Variants in ADGRL3 observed in about 807,000 individuals in gnomAD.
ADGRL3 encodes the protein adhesion G protein-coupled receptor L3.
A neutral mutation model predicts 153.5 loss-of-function variants in ADGRL3; 62 were observed. That is an observed-to-expected ratio of 0.40 (90% CI 0.33 to 0.50). ADGRL3 has a LOEUF of 0.50. Among genes scored for constraint, ADGRL3 ranks in the 20% least tolerant of loss-of-function variants. The probability of loss-of-function intolerance (pLI) is 0.47; values close to 1 mark genes in which losing one functional copy is unlikely to be tolerated. For missense variants in ADGRL3, 1,641 were observed against 1,859.4 expected (o/e 0.88, Z 2.16); for synonymous variants, 710 against 672.5 (o/e 1.06, Z -0.86).
chr4:61,505,329 C>T (rs927328363), intron 3 of ADGRL3, among the ~76,000 whole-genome samples: 2 of 152,046 alleles, frequency 1.3e-5, no homozygotes, highest in Non-Finnish European at 2.9e-5. Flanking sequence ...TAACCCTTGT[C>T]AGATGATAGT....
At chr4:61,608,370 A>G (rs2099040786) in intron 5 of ADGRL3, among the ~76,000 whole-genome samples, 1 of 152,220 alleles carries the variant, frequency 6.6e-6, no homozygotes, top group Non-Finnish European at 1.5e-5. Flanking sequence ...GCTAAAGACT[A>G]TTTCAGAGAA....
At chr4:61,975,576 A>T (rs2099044996) in intron 17 of ADGRL3, among the ~76,000 whole-genome samples, 1 of 152,136 alleles carries the variant, frequency 6.6e-6, no homozygotes, top group Admixed American at 6.5e-5. Context: ...TTAGAGGAGC[A>T]ATGTCGTGTG....
At chr4:61,432,626 C>T (rs866908059) in intron 2 of ADGRL3, among the ~76,000 whole-genome samples, 43 of 62,732 alleles carry the variant, frequency 6.9e-4, no homozygotes, top group African/African-American at 2.2e-3. Flanking sequence ...TTCTTTCTTT[C>T]TTTCTTTCTT....
chr4:61,334,517 A>T (rs1444215170), intron 1 of ADGRL3, among the ~76,000 whole-genome samples: 1 of 152,124 alleles, frequency 6.6e-6, no homozygotes, highest in East Asian at 1.9e-4. Flanking sequence ...TCAAAAGAAA[A>T]CCATGGCTGA....
chr4:61,497,509 T>C (rs1308728018), intron 3 of ADGRL3, among the ~76,000 whole-genome samples, 161 bp downstream of exon 3: 1 of 125,280 alleles, frequency 8.0e-6, no homozygotes, highest in Non-Finnish European at 1.6e-5. Flanking sequence ...TATTTCCTTT[T>C]CTTTTCTTTT....
chr4:61,497,180 T>A lies in ADGRL3; in HGVS notation c.-114T>A, dbSNP rs2098329196. 1 of 652,564 alleles carries A rather than the reference T, an allele frequency of 1.5e-6. No individual in the cohort carries two copies. Among genetic ancestry groups the A allele is most frequent in the African/African-American group, 1.9e-5 (1 of 52,036 alleles). 40.4% of individuals were successfully genotyped at this position (652,564 alleles called of 1,614,324 possible). A position where few individuals can be genotyped will look rare whatever the true frequency, so the allele number is the denominator to read the frequency against. On this transcript the variant is annotated 5_prime_UTR_variant, in exon 3 of 27. Transcript: ENST00000683033. ...GAGAAATTATTCTTTTTCTTTTTAA[T>A]TTGAAGAAAAATCATCAGTCTTGGA...
At chr4:61,442,840 T>C (rs975936053) in intron 2 of ADGRL3, among the ~76,000 whole-genome samples, 2 of 152,160 alleles carry the variant, frequency 1.3e-5, no homozygotes, top group East Asian at 3.9e-4. Flanking sequence ...TATAACCATA[T>C]ATTTTTTATT....
At chr4:61,863,268 C>T (rs1196601937) in intron 9 of ADGRL3, among the ~76,000 whole-genome samples, 1 of 110,666 alleles carries the variant, frequency 9.0e-6, no homozygotes, top group Non-Finnish European at 1.7e-5. Flanking sequence ...GACGGAGTCT[C>T]GCTCTGTCGC....
chr4:61,768,892 G>A (rs571400900), intron 8 of ADGRL3, among the ~76,000 whole-genome samples: 23 of 152,064 alleles, frequency 1.5e-4, no homozygotes, highest in South Asian at 6.2e-4. Context: ...GTCAGGGTGC[G>A]GAAATAAGGG....
At chr4:61,657,153 C>T (rs1050888614) in intron 5 of ADGRL3, among the ~76,000 whole-genome samples, 9 of 152,082 alleles carry the variant, frequency 5.9e-5, no homozygotes, top group Non-Finnish European at 1.3e-4. Context: ...TCTTAGAGTT[C>T]TCCATTTTCC....
intron 6 of ADGRL3, among the ~76,000 whole-genome samples, chr4:61,718,651 T>C (rs993379627): frequency 6.6e-6 from 1 of 152,170 alleles, no homozygotes; most frequent in Non-Finnish European, 1.5e-5. Flanking sequence ...TATCAATCAC[T>C]TTTTGTTGTC....
chr4:61,219,669 T>G (rs1744470334), intron 1 of ADGRL3, among the ~76,000 whole-genome samples: 2 of 152,232 alleles, frequency 1.3e-5, no homozygotes. Flanking sequence ...GCTTTTATGC[T>G]TTTCATTAAT....
At chr4:62,034,525 G>A (rs1299014815) in intron 23 of ADGRL3, among the ~76,000 whole-genome samples, 5 of 151,750 alleles carry the variant, frequency 3.3e-5, no homozygotes, top group African/African-American at 1.2e-4. Flanking sequence ...ATTATTTTTG[G>A]TTTTTATTTT....
chr4:61,429,565 G>T (rs943152794), intron 2 of ADGRL3, among the ~76,000 whole-genome samples: 1 of 152,076 alleles, frequency 6.6e-6, no homozygotes, highest in African/African-American at 2.4e-5. Context: ...GGAGGAAAAT[G>T]ATTATAGAGT....
At chr4:61,677,839 T>C (rs572915281) in intron 6 of ADGRL3, among the ~76,000 whole-genome samples, 1 of 152,102 alleles carries the variant, frequency 6.6e-6, no homozygotes, top group South Asian at 2.1e-4. Flanking sequence ...TTCACGCTTA[T>C]TAAAGAAGCA....
Position 61,613,697 on chromosome 4 carries a change from T to C in ADGRL3, c.473+26257T>C, listed in dbSNP as rs139218738. 1.4e-4 allele frequency among the ~76,000 whole-genome samples: 22 copies of C among 152,338 alleles called. No individual in the cohort carries two copies. The East Asian group carries it at 3.5e-3, about 24-fold the overall frequency. On this transcript the variant is annotated intron_variant, in intron 5 of 26. Transcript: ENST00000683033. ...AGGCAGAGGCTGCAATGAGCCAAAA[T>C]TCTGCTACTGCACTCCAGCCTGGGT...
intron 8 of ADGRL3, among the ~76,000 whole-genome samples, chr4:61,749,995 T>C (rs2096731572): frequency 6.6e-6 from 1 of 151,988 alleles, no homozygotes; most frequent in African/African-American, 2.4e-5. Context: ...AATGATTCAT[T>C]GATTGATTCT....
intron 11 of ADGRL3, among the ~76,000 whole-genome samples, chr4:61,900,961 T>C (rs1684899538): frequency 6.6e-6 from 1 of 152,186 alleles, no homozygotes; most frequent in Non-Finnish European, 1.5e-5. Flanking sequence ...GTCTCTTGCC[T>C]CAGCTTGATC....
intron 2 of ADGRL3, among the ~76,000 whole-genome samples, chr4:61,422,058 T>C (rs2097213684): frequency 6.6e-6 from 1 of 152,176 alleles, no homozygotes; most frequent in South Asian, 2.1e-4. Context: ...TTATAACTTA[T>C]ATAAAGGATA....
Sources: allele counts gnomAD v4.1 joint callset (sites outside exome capture counted in the v4.1 genomes callset), GRCh38; gene constraint gnomAD v4.1.1; transcripts MANE v1.5; gene names NCBI Gene and HGNC (gene_info 2026-07-23, HGNC 2026-07-21).